MYMX: variants seen among roughly 807,000 people sequenced by gnomAD.
MYMX encodes the protein myomixer, myoblast fusion factor.
chr6:44,200,068 T>C, the MYMX span, among the ~76,000 whole-genome samples: 1 of 151,990 alleles, frequency 6.6e-6, no homozygotes, highest in Non-Finnish European at 1.5e-5. Context: ...CTCAGGAGAT[T>C]GATGTGGGAG....
chr6:44,217,479 C>G lies in MYMX; in HGVS notation c.8C>G (p.Thr3Arg), dbSNP rs141609707. ...TGACTCACTGGCCCTGCCATGCCCA[C>G]GCCACTGCTCCCGCTGCTGCTTCGA... MP[T>R]PLLPLLLRLL... Residue 3 changes from threonine (T) to arginine (R), a missense_variant, in exon 2 of 2, where the codon ACG becomes AGG. Physicochemically the swap from Thr to Arg is moderately conservative, Grantham distance 71 (BLOSUM62 -1). Coordinates refer to ENST00000573382, the MANE Select transcript of MYMX (RefSeq NM_001315494.2). The G allele has an allele frequency of 1.7e-5, 7 of 403,526 alleles. No individual in the cohort carries two copies. The highest frequency in any genetic ancestry group is 1.4e-4 in the African/African-American group (7 of 48,766). The allele number at this position is 403,526 out of a possible 1,614,324, so 25.0% of individuals were successfully genotyped here.
At chr6:44,206,025 T>C in the MYMX span, among the ~76,000 whole-genome samples, 1 of 147,082 alleles carries the variant, frequency 6.8e-6, no homozygotes, top group African/African-American at 2.5e-5. Context: ...TTTGTTGTTG[T>C]TGTTGTTTCT....
At chr6:44,208,832 T>C in the MYMX span, among the ~76,000 whole-genome samples, 7 of 152,234 alleles carry the variant, frequency 4.6e-5, no homozygotes, top group Admixed American at 4.6e-4. Context: ...ATGCTCCCCA[T>C]GCTGTGTCTG....
In MYMX at chr6:44,217,893, G is replaced by A. The variant is rs1775969239; in HGVS notation, c.*167G>A. On this transcript the variant is annotated 3_prime_UTR_variant, in exon 2 of 2. Coordinates refer to ENST00000573382, the MANE Select transcript of MYMX (RefSeq NM_001315494.2). Reference sequence around the variant, plus strand: ...ATGCCTCTCCACTCCCAACAGAAATGTCTTTCTGGAAGAATGCCTTGCATC... The same window carrying A: ...ATGCCTCTCCACTCCCAACAGAAATATCTTTCTGGAAGAATGCCTTGCATC... The A allele has an allele frequency of 2.5e-6, 1 of 398,024 alleles. No homozygotes were observed. Among genetic ancestry groups the A allele is most frequent in the Admixed American group, 4.4e-5 (1 of 22,704 alleles). 24.7% of individuals were successfully genotyped at this position (398,024 alleles called of 1,614,324 possible). A position where few individuals can be genotyped will look rare whatever the true frequency, so the allele number is the denominator to read the frequency against.
chr6:44,195,366 G>A, the MYMX span, among the ~76,000 whole-genome samples: 4 of 152,042 alleles, frequency 2.6e-5, no homozygotes, highest in Admixed American at 2.6e-4. Flanking sequence ...AACAGCTATA[G>A]TCTCCTCCTG....
the MYMX span, among the ~76,000 whole-genome samples, chr6:44,205,120 G>T: frequency 6.6e-6 from 1 of 152,112 alleles, no homozygotes; most frequent in Non-Finnish European, 1.5e-5. Flanking sequence ...TTATGAGTAA[G>T]GTAGGTTGTG....
the MYMX span, among the ~76,000 whole-genome samples, chr6:44,202,597 C>T: frequency 5.3e-5 from 8 of 151,962 alleles, no homozygotes; most frequent in African/African-American, 1.5e-4. Flanking sequence ...TTGTTCCTGA[C>T]GAAGATGGTT....
At chr6:44,212,095 G>A (rs1221709041), upstream of MYMX, among the ~76,000 whole-genome samples, 1 of 152,030 alleles carries the variant, frequency 6.6e-6, no homozygotes, top group Non-Finnish European at 1.5e-5. Context: ...GATTTAAAAT[G>A]TTGTCTACTG....
At chr6:44,211,790 G>GTGTGTT in the MYMX span, among the ~76,000 whole-genome samples, 1 of 137,606 alleles carries the variant, frequency 7.3e-6, no homozygotes, top group African/African-American at 3.1e-5. Flanking sequence ...GCTAGGTTTT[G>GTGTGTT]TGTGTGTGTG....
the MYMX span, among the ~76,000 whole-genome samples, chr6:44,198,893 G>A: frequency 6.6e-6 from 1 of 152,072 alleles, no homozygotes. Flanking sequence ...GATTACAGGC[G>A]TGAGTAACTA....
the MYMX span, among the ~76,000 whole-genome samples, chr6:44,202,616 A>G: frequency 6.6e-6 from 1 of 152,090 alleles, no homozygotes; most frequent in Non-Finnish European, 1.5e-5. Context: ...TTATTTTTCC[A>G]GGAATGCTGA....
chr6:44,214,927 C>G (rs769311205), upstream of MYMX, among the ~76,000 whole-genome samples: 2 of 152,088 alleles, frequency 1.3e-5, no homozygotes, highest in African/African-American at 4.8e-5. Flanking sequence ...ATGTGTGTAC[C>G]CAATGCACCT....
chr6:44,213,730 T>C (rs115010226), upstream of MYMX, among the ~76,000 whole-genome samples: 5 of 152,352 alleles, frequency 3.3e-5, no homozygotes, highest in Non-Finnish European at 7.4e-5. Flanking sequence ...TCTAGTATTG[T>C]TTCATAATGA....
chr6:44,214,065 C>A (rs1775739542), upstream of MYMX, among the ~76,000 whole-genome samples: 1 of 152,174 alleles, frequency 6.6e-6, no homozygotes, highest in African/African-American at 2.4e-5. Context: ...AAGTCAGAAC[C>A]TTTGGCTTTA....
At chr6:44,192,933 C>T in the MYMX span, among the ~76,000 whole-genome samples, 1 of 152,178 alleles carries the variant, frequency 6.6e-6, no homozygotes, top group Non-Finnish European at 1.5e-5. Context: ...CAACCAATGG[C>T]GGTCCCAGCT....
At chr6:44,212,436 A>G (rs1255805887), upstream of MYMX, among the ~76,000 whole-genome samples, 1 of 151,376 alleles carries the variant, frequency 6.6e-6, no homozygotes, top group Non-Finnish European at 1.5e-5. Context: ...ATAAATAAAT[A>G]AAAATTTTAA....
chr6:44,201,017 C>T, the MYMX span, among the ~76,000 whole-genome samples: 1 of 152,180 alleles, frequency 6.6e-6, no homozygotes, highest in African/African-American at 2.4e-5. Flanking sequence ...TTCAGGCAAC[C>T]TCCAACTCCC....
chr6:44,217,197 G>A (rs1775924311), intron 1 of MYMX, among the ~76,000 whole-genome samples: 1 of 152,182 alleles, frequency 6.6e-6, no homozygotes, highest in African/African-American at 2.4e-5. Context: ...CTGGAGCTGG[G>A]AACGGCAAGC....
the MYMX span, among the ~76,000 whole-genome samples, chr6:44,202,775 T>C: frequency 6.6e-6 from 1 of 152,038 alleles, no homozygotes; most frequent in Non-Finnish European, 1.5e-5. Context: ...GAGAGTAAAC[T>C]AAGACTAGAT....
Sources: allele counts gnomAD v4.1 joint callset (sites outside exome capture counted in the v4.1 genomes callset), GRCh38; gene constraint gnomAD v4.1.1; transcripts MANE v1.5; gene names NCBI Gene and HGNC (gene_info 2026-07-23, HGNC 2026-07-21).